The following LRRC4C variants were observed in gnomAD, a reference collection of about 807,000 sequenced individuals.
LRRC4C encodes the protein leucine rich repeat containing 4C.
In LRRC4C, 5 loss-of-function variants were observed where a neutral mutation model predicts 33.6. The observed-to-expected ratio is 0.15, with a 90% CI of 0.08 to 0.31. The LOEUF (loss-of-function observed/expected upper bound fraction) is 0.31, where lower values mean the gene tolerates loss of function less well. Ranked by LOEUF, LRRC4C falls within the 10% of genes least tolerant of loss-of-function variation. LRRC4C has a pLI of 1.00. For synonymous variants in LRRC4C, 329 were observed against 302.0 expected (o/e 1.09, Z -0.93); for missense variants, 560 against 796.7 (o/e 0.70, Z 3.58).
chr11:41,124,441 G>A lies in LRRC4C; in HGVS notation c.-495-190718C>T, dbSNP rs149684641. On this transcript the variant is annotated intron_variant, in intron 1 of 6. Transcript: ENST00000528697. ...AATGTTCCATTCAGCAGTGCCAGTGGGCTAGGGAACTGTCTTTTCTTCGTT... is the reference window on the plus strand; with the variant it reads ...AATGTTCCATTCAGCAGTGCCAGTGAGCTAGGGAACTGTCTTTTCTTCGTT... 3.7e-3 allele frequency among the ~76,000 whole-genome samples: 570 copies of A among 152,216 alleles called. 4 individuals are homozygous for A. Among genetic ancestry groups the A allele is most frequent in the Non-Finnish European group, 6.6e-3 (446 of 68,018 alleles).
chr11:41,081,873 A>C (rs1939596409), intron 1 of LRRC4C, among the ~76,000 whole-genome samples: 1 of 152,162 alleles, frequency 6.6e-6, no homozygotes, highest in South Asian at 2.1e-4. Context: ...TGCTCTGTTA[A>C]TTATGCATAA....
At position 40,429,866 on chromosome 11, in the gene LRRC4C, CA is replaced by C. The variant is rs1950853238; in HGVS notation, c.-269-110146del. Among the ~76,000 whole-genome samples, 3 of 152,216 alleles carry C rather than the reference CA, an allele frequency of 2.0e-5. 1 individual carries two copies. In the South Asian group the frequency reaches 6.2e-4, roughly 32 times the overall value. ...GTGCATAGATTTTTGAAGGGTATCC[CA>C]ACTTTCTCCTTTTGCTCTTTTTCTC... On this transcript the variant is annotated intron_variant, in intron 3 of 6. Coordinates refer to ENST00000528697, the MANE Select transcript of LRRC4C (RefSeq NM_001258419.2).
At chr11:40,414,464 C>T (rs1950255450) in intron 3 of LRRC4C, among the ~76,000 whole-genome samples, 1 of 152,176 alleles carries the variant, frequency 6.6e-6, no homozygotes, top group Non-Finnish European at 1.5e-5. Flanking sequence ...GATAAGCCAT[C>T]TTAAAGTTTA....
At chr11:40,651,776 T>G (rs1441375460) in intron 2 of LRRC4C, among the ~76,000 whole-genome samples, 3 of 152,204 alleles carry the variant, frequency 2.0e-5, no homozygotes, top group Non-Finnish European at 2.9e-5. Flanking sequence ...TGTTCAATAG[T>G]GTGGTTCATT....
At chr11:40,471,006 C>T (rs1952904408) in intron 3 of LRRC4C, among the ~76,000 whole-genome samples, 1 of 152,090 alleles carries the variant, frequency 6.6e-6, no homozygotes, top group Non-Finnish European at 1.5e-5. Flanking sequence ...CAAGGCAGGC[C>T]AGCATTCAAA....
intron 1 of LRRC4C, among the ~76,000 whole-genome samples, chr11:41,126,194 A>C (rs1397457562): frequency 6.6e-6 from 1 of 152,050 alleles, no homozygotes; most frequent in African/African-American, 2.4e-5. Context: ...AATTAAATTA[A>C]ATTAAATTAA....
At chr11:40,432,516 C>T (rs79209879) in intron 3 of LRRC4C, among the ~76,000 whole-genome samples, 5,567 of 152,258 alleles carry the variant, frequency 0.037, 343 homozygotes, top group African/African-American at 0.13. Flanking sequence ...GAGTTTCTGT[C>T]CGAAAACTAC....
At chr11:40,990,279 A>G (rs1286929195) in intron 1 of LRRC4C, among the ~76,000 whole-genome samples, 2 of 139,928 alleles carry the variant, frequency 1.4e-5, no homozygotes, top group African/African-American at 5.2e-5. Flanking sequence ...ATATATGAAT[A>G]TATGAGTATT....
chr11:40,203,774 T>C (rs1862937720), intron 5 of LRRC4C, among the ~76,000 whole-genome samples: 1 of 152,196 alleles, frequency 6.6e-6, no homozygotes, highest in Non-Finnish European at 1.5e-5. Flanking sequence ...TCACTAAAAA[T>C]GCAGGCATTT....
chr11:40,176,710 A>G (rs1022261805), intron 5 of LRRC4C, among the ~76,000 whole-genome samples: 1 of 151,404 alleles, frequency 6.6e-6, no homozygotes, highest in Non-Finnish European at 1.5e-5. Context: ...TCAGCTAATT[A>G]TTTTACTTTT....
At chr11:40,514,281 A>G (rs888690188) in intron 3 of LRRC4C, among the ~76,000 whole-genome samples, 2 of 152,310 alleles carry the variant, frequency 1.3e-5, no homozygotes, top group South Asian at 4.1e-4. Context: ...AGTCAATAAG[A>G]TGATGCATGC....
chr11:40,859,624 A>G (rs1380234983), intron 2 of LRRC4C, among the ~76,000 whole-genome samples: 1 of 152,166 alleles, frequency 6.6e-6, no homozygotes, highest in Non-Finnish European at 1.5e-5. Context: ...ATAAAATTCA[A>G]AAAAAGAGAA....
chr11:40,488,724 C>A (rs188705821), intron 3 of LRRC4C, among the ~76,000 whole-genome samples: 201 of 152,166 alleles, frequency 1.3e-3, no homozygotes, highest in South Asian at 8.9e-3. Context: ...GACTTCTGTT[C>A]ATTTTGGACT....
intron 1 of LRRC4C, among the ~76,000 whole-genome samples, chr11:41,163,919 CA>C (rs1236096874): frequency 1.8e-4 from 28 of 152,170 alleles, no homozygotes; most frequent in African/African-American, 6.5e-4. Flanking sequence ...GCCACTACTT[CA>C]AAAACTTTTT....
chr11:41,080,795 G>C (rs911471474), intron 1 of LRRC4C, among the ~76,000 whole-genome samples: 2 of 152,186 alleles, frequency 1.3e-5, no homozygotes, highest in Admixed American at 6.5e-5. Context: ...TTTCCATTTA[G>C]AGGGAGAATT....
At chr11:40,893,998 A>G (rs1329223590) in intron 2 of LRRC4C, among the ~76,000 whole-genome samples, 7 of 152,098 alleles carry the variant, frequency 4.6e-5, no homozygotes, top group African/African-American at 7.2e-5. Flanking sequence ...TAACCCCAAG[A>G]TCATAAACCT....
At chr11:41,228,847 A>C (rs1947657872) in intron 1 of LRRC4C, among the ~76,000 whole-genome samples, 1 of 152,122 alleles carries the variant, frequency 6.6e-6, no homozygotes, top group Non-Finnish European at 1.5e-5. Flanking sequence ...ATCTTTACAA[A>C]TGTATTTGCT....
chr11:40,517,588 C>G (rs1012350853), intron 3 of LRRC4C, among the ~76,000 whole-genome samples: 9 of 152,054 alleles, frequency 5.9e-5, no homozygotes, highest in Admixed American at 5.9e-4. Context: ...GAGAACCCAC[C>G]CATCTCTATA....
At chr11:41,156,751 T>G (rs1009314394) in intron 1 of LRRC4C, among the ~76,000 whole-genome samples, 3 of 151,904 alleles carry the variant, frequency 2.0e-5, no homozygotes, top group African/African-American at 7.2e-5. Context: ...ATATGATAAC[T>G]GAGGTGAGCC....
Sources: gnomAD v4.1 joint callset for allele counts (sites outside exome capture counted in the v4.1 genomes callset) on GRCh38, gnomAD v4.1.1 for gene constraint, MANE v1.5 for transcripts, NCBI Gene and HGNC (gene_info 2026-07-23, HGNC 2026-07-21) for gene names.